The following TAOK3 variants were observed in gnomAD, a reference collection of about 807,000 sequenced individuals.
The protein encoded by TAOK3 is TAO kinase 3, also known as serine/threonine-protein kinase TAO3.
In TAOK3, 40 loss-of-function variants were observed where a neutral mutation model predicts 120.4. The observed-to-expected ratio is 0.33, with a 90% CI of 0.26 to 0.43. The LOEUF is 0.43. Among genes scored for constraint, TAOK3 ranks in the 20% least tolerant of loss-of-function variants. TAOK3 has a pLI of 1.00. For synonymous variants in TAOK3, 355 were observed against 387.5 expected (o/e 0.92, Z 0.99); for missense variants, 821 against 1,112.1 (o/e 0.74, Z 3.72).
chr12:118,287,044 C>T (rs140692395), intron 1 of TAOK3, among the ~76,000 whole-genome samples: 70 of 152,072 alleles, frequency 4.6e-4, no homozygotes, highest in African/African-American at 1.6e-3. Context: ...AAGAATGACA[C>T]AATGGACTTT....
rs549424841 is a variant in TAOK3, at chr12:118,335,987, T to G, written c.-194+36661A>C. On this transcript the variant is annotated intron_variant, in intron 1 of 20. Transcript: ENST00000392533. ...GAAGAGACATACCATATTCACAGAT[T>G]GAAAGACTCAACATAGAAAAGACGT... is the stretch of plus-strand genomic sequence containing the variant. Among the ~76,000 whole-genome samples, 3 of 152,286 alleles carry G rather than the reference T, an allele frequency of 2.0e-5. No homozygotes were observed. In the South Asian group the frequency reaches 6.2e-4, roughly 32 times the overall value.
At chr12:118,299,792 G>A (rs1246488777) in intron 1 of TAOK3, among the ~76,000 whole-genome samples, 1 of 151,748 alleles carries the variant, frequency 6.6e-6, no homozygotes, top group East Asian at 1.9e-4. Context: ...TTACAGGCGT[G>A]AGCCACCACG....
intron 1 of TAOK3, among the ~76,000 whole-genome samples, chr12:118,354,257 T>C (rs1355609549): frequency 1.3e-5 from 2 of 152,166 alleles, no homozygotes; most frequent in Non-Finnish European, 2.9e-5. Context: ...TTTGGGGATG[T>C]TATTAAGTAA....
At chr12:118,299,671 G>A (rs2042806972) in intron 1 of TAOK3, among the ~76,000 whole-genome samples, 1 of 151,752 alleles carries the variant, frequency 6.6e-6, no homozygotes, top group Non-Finnish European at 1.5e-5. Flanking sequence ...CACCACGCCC[G>A]ACTAACTTTT....
intron 1 of TAOK3, among the ~76,000 whole-genome samples, chr12:118,313,999 A>G (rs938710993): frequency 6.6e-6 from 1 of 152,208 alleles, no homozygotes; most frequent in Non-Finnish European, 1.5e-5. Flanking sequence ...ACTAGTGAAG[A>G]GAAAGCCTAA....
chr12:118,204,067 A>G (rs2038169314), intron 11 of TAOK3, among the ~76,000 whole-genome samples: 1 of 152,050 alleles, frequency 6.6e-6, no homozygotes, highest in African/African-American at 2.4e-5. Context: ...GGAGTTTGAG[A>G]CTAGCCTGGC....
intron 19 of TAOK3, among the ~76,000 whole-genome samples, chr12:118,156,151 C>T (rs1016179414): frequency 1.3e-5 from 2 of 152,146 alleles, no homozygotes; most frequent in South Asian, 4.1e-4. Context: ...CTATCAACTT[C>T]TTCCTTCTCT....
chr12:118,230,635 A>G (rs1217931509), intron 9 of TAOK3, among the ~76,000 whole-genome samples: 1 of 151,118 alleles, frequency 6.6e-6, no homozygotes, highest in Non-Finnish European at 1.5e-5. Context: ...CACCTGGCTA[A>G]TTTTTTTGTA....
chr12:118,340,815 T>C (rs560013815), intron 1 of TAOK3, among the ~76,000 whole-genome samples: 1 of 151,346 alleles, frequency 6.6e-6, no homozygotes, highest in South Asian at 2.1e-4. Flanking sequence ...TGGTGGCTCA[T>C]GCCTGTACTC....
intron 1 of TAOK3, among the ~76,000 whole-genome samples, chr12:118,327,355 G>A (rs552881961): frequency 1.3e-4 from 20 of 152,134 alleles, no homozygotes; most frequent in Non-Finnish European, 2.9e-4. Flanking sequence ...ACTAGAATTA[G>A]TGAAAGTTCA....
chr12:118,325,484 C>T (rs1447627871), intron 1 of TAOK3, among the ~76,000 whole-genome samples: 1 of 152,166 alleles, frequency 6.6e-6, no homozygotes, highest in African/African-American at 2.4e-5. Flanking sequence ...ATTAATGATG[C>T]TGGGCATTTT....
chr12:118,318,286 T>A (rs1205752821), intron 1 of TAOK3, among the ~76,000 whole-genome samples: 2 of 151,810 alleles, frequency 1.3e-5, no homozygotes, highest in Non-Finnish European at 2.9e-5. Context: ...GCCTCCCAAG[T>A]AGCTGGGACT....
intron 3 of TAOK3, among the ~76,000 whole-genome samples, chr12:118,254,537 T>C (rs973028664): frequency 3.9e-5 from 6 of 152,174 alleles, no homozygotes; most frequent in Non-Finnish European, 8.8e-5. Flanking sequence ...GAACAAGATG[T>C]TATGAAATCA....
At chr12:118,157,711 G>A (rs563541206) in intron 19 of TAOK3, among the ~76,000 whole-genome samples, 1 of 152,196 alleles carries the variant, frequency 6.6e-6, no homozygotes, top group Non-Finnish European at 1.5e-5. Flanking sequence ...CCATAAAGAC[G>A]TGATTCATGA....
intron 19 of TAOK3, among the ~76,000 whole-genome samples, chr12:118,155,516 G>A (rs560849127): frequency 6.6e-6 from 1 of 152,244 alleles, no homozygotes; most frequent in South Asian, 2.1e-4. Flanking sequence ...GTAAATTAGG[G>A]TCAAAACAGT....
chr12:118,182,643 A>C (rs2036835904), intron 14 of TAOK3, among the ~76,000 whole-genome samples: 1 of 110,900 alleles, frequency 9.0e-6, no homozygotes, highest in Non-Finnish European at 1.7e-5. Flanking sequence ...TTTTTTAAGG[A>C]TCATGTCTCT....
At chr12:118,362,797 C>T (rs948670163) in intron 1 of TAOK3, among the ~76,000 whole-genome samples, 9 of 152,030 alleles carry the variant, frequency 5.9e-5, no homozygotes, top group Non-Finnish European at 8.8e-5. Flanking sequence ...GTAGATGGAT[C>T]GCCTGAGGTC....
At chr12:118,352,761 A>G (rs1002432891) in intron 1 of TAOK3, among the ~76,000 whole-genome samples, 1 of 152,254 alleles carries the variant, frequency 6.6e-6, no homozygotes, top group East Asian at 1.9e-4. Context: ...CCCAGGCTGA[A>G]GTGCTGTGGC....
At chr12:118,267,039 T>C (rs2041477629) in intron 1 of TAOK3, among the ~76,000 whole-genome samples, 1 of 152,158 alleles carries the variant, frequency 6.6e-6, no homozygotes, top group Non-Finnish European at 1.5e-5. Context: ...TTAATGGAGA[T>C]TACCAGTAGA....
Sources: gnomAD v4.1 joint callset for allele counts (sites outside exome capture counted in the v4.1 genomes callset) on GRCh38, gnomAD v4.1.1 for gene constraint, MANE v1.5 for transcripts, NCBI Gene and HGNC (gene_info 2026-07-23, HGNC 2026-07-21) for gene names.